The following ITCH variants were observed in gnomAD, a reference collection of about 807,000 sequenced individuals.
ITCH encodes the protein itchy E3 ubiquitin protein ligase.
ITCH carries 28 observed loss-of-function variants against 126.8 expected under a neutral mutation model. The observed-to-expected ratio is 0.22, with a 90% CI of 0.16 to 0.30. The LOEUF is 0.30. Ranked by LOEUF, ITCH falls within the 10% of genes least tolerant of loss-of-function variation. The pLI, the probability that ITCH is intolerant of heterozygous loss-of-function variation, is 1.00. For synonymous variants in ITCH, 342 were observed against 340.0 expected, an observed-to-expected ratio of 1.01 and a Z score of -0.06; for missense variants, 631 against 1,032.4, an observed-to-expected ratio of 0.61 and a Z score of 5.33.
rs1978759539 is a variant in ITCH at position 34,511,124 on chromosome 20, C to T, written c.*3330C>T. The T allele has an allele frequency of 1.3e-5, 2 of 152,116 alleles. No homozygotes were observed. Among genetic ancestry groups the T allele is most frequent in the Non-Finnish European group, 1.5e-5 (1 of 68,004 alleles). 9.4% of individuals were successfully genotyped at this position (152,116 alleles called of 1,614,324 possible). A position where few individuals can be genotyped will look rare whatever the true frequency, so the allele number is the denominator to read the frequency against. On this transcript the variant is annotated 3_prime_UTR_variant, in exon 25 of 25. Transcript: ENST00000374864. ...TATTTAGTATTGTTGGTATCTCCAG[C>T]CCCCCTCCTTTTTTTGTTTTTCTTT...
chr20:34,494,634 G>A (rs1233821619), intron 23 of ITCH, among the ~76,000 whole-genome samples: 1 of 152,044 alleles, frequency 6.6e-6, no homozygotes, highest in East Asian at 1.9e-4. Context: ...CTTTGTGTTG[G>A]GAACATTCAA....
Position 34,506,337 on chromosome 20 carries a change from T to TA in ITCH, c.2490-1357dup, listed in dbSNP as rs1990619188. ...CTTTGACCTCCCAAAGTGCTGGAAT[T>TA]ACAGGCCATCATGCCAGACCTAAAA... is the stretch of plus-strand genomic sequence containing the variant. On this transcript the variant is annotated intron_variant, in intron 24 of 24. Coordinates refer to ENST00000374864, the MANE Select transcript of ITCH (RefSeq NM_031483.7). Among the ~76,000 whole-genome samples the TA allele has an allele frequency of 3.3e-5, 5 of 152,230 alleles. 1 individual carries two copies. The South Asian group carries it at 1.0e-3, about 31-fold the overall frequency.
intron 7 of ITCH, among the ~76,000 whole-genome samples, chr20:34,435,205 G>A (rs912985294): frequency 6.7e-6 from 1 of 149,904 alleles, no homozygotes; most frequent in Non-Finnish European, 1.5e-5. Context: ...GTCTTGCTCT[G>A]TTGCCCAGGC....
Position 34,449,586 on chromosome 20 carries a change from T to G in ITCH, c.1210+106T>G. 3 of 788,546 alleles carry G rather than the reference T, an allele frequency of 3.8e-6. No homozygotes were observed. The East Asian group carries it at 7.7e-5, about 20-fold the overall frequency. The allele number at this position is 788,546 out of a possible 1,614,324, so 48.8% of individuals were successfully genotyped here. On this transcript the variant is annotated intron_variant, in intron 12 of 24. Transcript: ENST00000374864. ...TTATGTCTGATACTGTGCTCTTGCT[T>G]GAGTGAATGTCTGGGAAGTTTTTTT...
chr20:34,388,750 T>C (rs965313073), intron 2 of ITCH, among the ~76,000 whole-genome samples: 3 of 152,216 alleles, frequency 2.0e-5, no homozygotes, highest in African/African-American at 7.2e-5. Context: ...TGTCTAACAT[T>C]TCTCCTCCAA....
chr20:34,491,366 A>G (rs1045861706), intron 22 of ITCH, among the ~76,000 whole-genome samples: 1 of 152,222 alleles, frequency 6.6e-6, no homozygotes, highest in Non-Finnish European at 1.5e-5. Flanking sequence ...TCATAGAGGC[A>G]AAAGTAGAAT....
chr20:34,450,174 C>T (rs868517640), intron 12 of ITCH, among the ~76,000 whole-genome samples: 1 of 152,288 alleles, frequency 6.6e-6, no homozygotes, highest in Middle Eastern at 3.4e-3. Context: ...ACCAATGCCA[C>T]TTCTGTGGTT....
intron 11 of ITCH, 141 bp downstream of exon 11, chr20:34,445,602 C>A: frequency 2.6e-6 from 2 of 764,478 alleles, no homozygotes; most frequent in Non-Finnish European, 4.4e-6. Context: ...TATTTTTAGA[C>A]CTTGTCTGGG....
At chr20:34,394,221 A>C (rs888561691) in intron 3 of ITCH, among the ~76,000 whole-genome samples, 2 of 151,830 alleles carry the variant, frequency 1.3e-5, no homozygotes, top group African/African-American at 2.4e-5. Context: ...AAAAAAAAAA[A>C]AAAAAAAAAA....
rs5841171 is a variant in ITCH, at chr20:34,375,696, A to ATTTTT, written c.-22+6257_-22+6261dup. On this transcript the variant is annotated intron_variant, in intron 2 of 24. Transcript: ENST00000374864. ...CACTCACAATGTATTGGTAGTTAAA[A>ATTTTT]TTTTTTTTTTTTTTTTTTTTTTTTT... Among the ~76,000 whole-genome samples, 58 of 65,554 alleles carry ATTTTT rather than the reference A, an allele frequency of 8.8e-4. 4 individuals carry two copies. The highest frequency in any genetic ancestry group is 3.1e-3 in the East Asian group (6 of 1,924). 43.0% of individuals were successfully genotyped at this position (65,554 alleles called of 152,430 possible).
At chr20:34,374,500 T>C (rs531795407) in intron 2 of ITCH, among the ~76,000 whole-genome samples, 3 of 152,164 alleles carry the variant, frequency 2.0e-5, no homozygotes, top group Non-Finnish European at 4.4e-5. Context: ...TGTGAAGTGT[T>C]AGTCGTTGTT....
chr20:34,394,964 G>T (rs1225379591), intron 3 of ITCH, among the ~76,000 whole-genome samples: 1 of 152,102 alleles, frequency 6.6e-6, no homozygotes, highest in Non-Finnish European at 1.5e-5. Context: ...AGGCACGGTG[G>T]CTCACACCTG....
At chr20:34,405,121 G>T (rs2146128126) in intron 3 of ITCH, among the ~76,000 whole-genome samples, 1 of 120,416 alleles carries the variant, frequency 8.3e-6, no homozygotes, top group Middle Eastern at 7.6e-3. Context: ...CAGCCTGGGT[G>T]ACAGAACCAG....
intron 1 of ITCH, 111 bp from the exon 2 acceptor site, chr20:34,369,283 A>G (rs1159531598): frequency 1.3e-5 from 5 of 384,012 alleles, no homozygotes; most frequent in Non-Finnish European, 2.3e-5. Flanking sequence ...GAGTGAGCCA[A>G]TATCATGCCA....
At position 34,402,414 on chromosome 20, in the gene ITCH, G is replaced by A. The variant is rs2038918294; in HGVS notation, c.71-6237G>A. 6 of 774,626 alleles carry A rather than the reference G, an allele frequency of 7.7e-6. 1 individual carries two copies. The highest frequency in any genetic ancestry group is 6.7e-5 in the South Asian group (5 of 74,536). 48.0% of individuals were successfully genotyped at this position (774,626 alleles called of 1,614,324 possible). ...GCAACAAAGGAGTCTTTGGACAGTG[G>A]CACCCACTTTTCTTTCACATTTTCA... On this transcript the variant is annotated intron_variant, in intron 3 of 24. Coordinates refer to ENST00000374864, the MANE Select transcript of ITCH (RefSeq NM_031483.7).
chr20:34,389,513 T>C (rs575080660), intron 2 of ITCH, among the ~76,000 whole-genome samples: 1 of 151,918 alleles, frequency 6.6e-6, no homozygotes, highest in East Asian at 1.9e-4. Context: ...GCAGACTAGA[T>C]GCTACAAAAG....
At chr20:34,449,643 G>C (rs2047452533) in intron 12 of ITCH, among the ~76,000 whole-genome samples, 163 bp downstream of exon 12, 2 of 151,886 alleles carry the variant, frequency 1.3e-5, no homozygotes, top group Admixed American at 1.3e-4. Flanking sequence ...TTCACAAATA[G>C]GCATTAAATT....
At chr20:34,455,154 C>T (rs1244415081) in intron 12 of ITCH, among the ~76,000 whole-genome samples, 1 of 152,080 alleles carries the variant, frequency 6.6e-6, no homozygotes, top group Non-Finnish European at 1.5e-5. Flanking sequence ...TTTTTCAAAC[C>T]ACAGGAAATA....
chr20:34,491,231 G>A (rs1260093316), intron 22 of ITCH, among the ~76,000 whole-genome samples: 1 of 152,108 alleles, frequency 6.6e-6, no homozygotes, highest in Non-Finnish European at 1.5e-5. Flanking sequence ...GAGATTTTTG[G>A]TATGTGCTAC....
Sources: allele counts gnomAD v4.1 joint callset (sites outside exome capture counted in the v4.1 genomes callset), GRCh38; gene constraint gnomAD v4.1.1; transcripts MANE v1.5; gene names NCBI Gene and HGNC (gene_info 2026-07-23, HGNC 2026-07-21).